ZNF423: variants seen among roughly 807,000 people sequenced by gnomAD.
ZNF423 encodes Ebf-associated zinc finger protein.
In ZNF423, 12 loss-of-function variants were observed where a neutral mutation model predicts 95.8. The ratio of observed to expected loss-of-function variants is 0.13; its 90% CI spans 0.08 to 0.20. The LOEUF (loss-of-function observed/expected upper bound fraction) is 0.20, where lower values mean the gene tolerates loss of function less well. Ranked by LOEUF, ZNF423 falls within the 10% of genes least tolerant of loss-of-function variation. The pLI, the probability that ZNF423 is intolerant of heterozygous loss-of-function variation, is 1.00. For missense variants in ZNF423, 1,316 were observed against 1,737.1 expected (o/e 0.76, Z 4.31); for synonymous variants, 749 against 711.9 (o/e 1.05, Z -0.83).
chr16:49,635,118 G>A lies in ZNF423; in HGVS notation c.3516+542C>T, dbSNP rs148681004. Among the ~76,000 whole-genome samples the A allele has an allele frequency of 1.1e-4, 16 of 152,362 alleles. No individual in the cohort carries two copies. The highest frequency in any genetic ancestry group is 1.9e-4 in the Non-Finnish European group (13 of 68,036). ...ACTGGTGATAAGAGTACCAGCTGGT[G>A]ATGACAGCCAGCACCACTGAGCCAT... On this transcript the variant is annotated intron_variant, in intron 4 of 7. Transcript: ENST00000563137. The surrounding 1 kb of genome is among the most constrained non-coding windows in gnomAD (Gnocchi z 4.8).
intron 2 of ZNF423, among the ~76,000 whole-genome samples, chr16:49,736,341 T>C (rs772152099): frequency 1.2e-4 from 18 of 152,134 alleles, no homozygotes; most frequent in Non-Finnish European, 2.1e-4. Context: ...TGCCAGCTTC[T>C]TCCTGCAGCC....
intron 3 of ZNF423, among the ~76,000 whole-genome samples, chr16:49,714,512 G>C (rs2032643479): frequency 6.6e-6 from 1 of 151,592 alleles, no homozygotes; most frequent in Non-Finnish European, 1.5e-5. Context: ...CAAAAAATTA[G>C]CCAGGTGTCT....
intron 3 of ZNF423, among the ~76,000 whole-genome samples, chr16:49,670,460 T>C (rs1270140757): frequency 1.3e-5 from 2 of 152,204 alleles, no homozygotes; most frequent in African/African-American, 2.4e-5. Flanking sequence ...TGGGAAGGCA[T>C]GGTTTTCCCA....
chr16:49,662,787 T>C lies in ZNF423; in HGVS notation c.302-23913A>G, dbSNP rs138611536. ...CAAGGCAGAATCTAGAGAGAGAGGA[T>C]CCCAGGCAGGGATCTAGCAGGTGCA... On this transcript the variant is annotated intron_variant, in intron 3 of 7. Transcript: ENST00000563137. 3.4e-4 allele frequency among the ~76,000 whole-genome samples: 52 copies of C among 152,180 alleles called. 1 individual carries two copies. The East Asian group carries it at 9.7e-3, about 28-fold the overall frequency.
At chr16:49,619,346 G>A (rs899916296) in intron 5 of ZNF423, among the ~76,000 whole-genome samples, 4 of 152,070 alleles carry the variant, frequency 2.6e-5, no homozygotes, top group Non-Finnish European at 5.9e-5. Context: ...CAATGACAGA[G>A]GCCTTCCCCC....
intron 5 of ZNF423, among the ~76,000 whole-genome samples, chr16:49,542,431 C>A (rs1231368848): frequency 1.3e-5 from 2 of 152,200 alleles, no homozygotes; most frequent in Non-Finnish European, 2.9e-5. Context: ...AGTGAATGCA[C>A]CTGCTGGGCT....
intron 3 of ZNF423, among the ~76,000 whole-genome samples, chr16:49,703,894 T>C (rs1359871207): frequency 6.6e-6 from 1 of 152,084 alleles, no homozygotes; most frequent in Non-Finnish European, 1.5e-5. Flanking sequence ...GCCCGGCACA[T>C]AAGAGATGAA....
intron 1 of ZNF423, among the ~76,000 whole-genome samples, chr16:49,807,246 G>A (rs953931370): frequency 6.6e-6 from 1 of 151,486 alleles, no homozygotes; most frequent in Non-Finnish European, 1.5e-5. Context: ...CCTGGCTAAT[G>A]CGGTGAAACC....
chr16:49,799,082 CT>C (rs999827150), intron 1 of ZNF423, among the ~76,000 whole-genome samples: 1 of 152,110 alleles, frequency 6.6e-6, no homozygotes, highest in African/African-American at 2.4e-5. Context: ...GAAGTGGGCT[CT>C]GGAATAGGCT....
intron 7 of ZNF423, among the ~76,000 whole-genome samples, chr16:49,508,226 A>G (rs1967733199): frequency 6.6e-6 from 1 of 152,178 alleles, no homozygotes; most frequent in Non-Finnish European, 1.5e-5. Flanking sequence ...CTCTGTTTTA[A>G]AACACAGACA....
intron 2 of ZNF423, among the ~76,000 whole-genome samples, chr16:49,773,027 C>T (rs930416692): frequency 2.0e-5 from 3 of 152,082 alleles, no homozygotes; most frequent in Admixed American, 1.3e-4. Context: ...CCTTATAAAA[C>T]CATCAGATTG....
intron 1 of ZNF423, among the ~76,000 whole-genome samples, chr16:49,821,645 T>C (rs1365208200): frequency 2.0e-5 from 3 of 152,074 alleles, no homozygotes; most frequent in Admixed American, 1.3e-4. Context: ...CAAGAAGAGA[T>C]TTCTCTCTTC....
chr16:49,506,323 C>T (rs1279308339), intron 7 of ZNF423, among the ~76,000 whole-genome samples: 3 of 151,500 alleles, frequency 2.0e-5, no homozygotes, highest in Admixed American at 6.6e-5. Context: ...GGATGGTAGA[C>T]GGATGATGGA....
intron 5 of ZNF423, among the ~76,000 whole-genome samples, chr16:49,612,006 G>A (rs1184824532): frequency 6.6e-6 from 1 of 151,974 alleles, no homozygotes; most frequent in Non-Finnish European, 1.5e-5. Flanking sequence ...AAAACTCCCT[G>A]TAAAGAAATC....
intron 3 of ZNF423, among the ~76,000 whole-genome samples, chr16:49,709,247 T>C (rs532339197): frequency 6.7e-6 from 1 of 150,030 alleles, no homozygotes; most frequent in Admixed American, 6.7e-5. Flanking sequence ...AGAAGCACCA[T>C]CATTTCCTGC....
intron 1 of ZNF423, among the ~76,000 whole-genome samples, chr16:49,849,666 G>A (rs949115351): frequency 1.3e-5 from 2 of 152,170 alleles, no homozygotes; most frequent in Non-Finnish European, 2.9e-5. Context: ...AGGCAAGAGG[G>A]AGGGGAGGTA....
intron 3 of ZNF423, among the ~76,000 whole-genome samples, chr16:49,692,724 C>T (rs1022253336): frequency 6.6e-6 from 1 of 152,254 alleles, no homozygotes; most frequent in Non-Finnish European, 1.5e-5. Context: ...CCACTCACAA[C>T]ATGCTAGACA....
intron 3 of ZNF423, among the ~76,000 whole-genome samples, chr16:49,643,601 A>G (rs8043733): frequency 0.21 from 30,749 of 144,750 alleles, 3,373 homozygotes; most frequent in Admixed American, 0.26. Flanking sequence ...TCAAGTGGGA[A>G]GTACAATGAC....
At chr16:49,602,885 A>G (rs1015154194) in intron 5 of ZNF423, among the ~76,000 whole-genome samples, 3 of 152,162 alleles carry the variant, frequency 2.0e-5, no homozygotes, top group Non-Finnish European at 4.4e-5. Flanking sequence ...TGACCTACAA[A>G]GAGAGTTTCT....
Sources: gnomAD v4.1 joint callset for allele counts (sites outside exome capture counted in the v4.1 genomes callset) on GRCh38, gnomAD v4.1.1 for gene constraint, Gnocchi (gnomAD v3.1) non-coding constraint, MANE v1.5 for transcripts, NCBI Gene and HGNC (gene_info 2026-07-23, HGNC 2026-07-21) for gene names.